The following WWOX variants were observed in gnomAD, a reference collection of about 807,000 sequenced individuals.
WWOX encodes the protein WW domain-containing oxidoreductase.
Under a neutral mutation model 46.2 loss-of-function variants are expected in WWOX, and 69 were observed. That is an observed-to-expected ratio of 1.49 (90% confidence interval 1.23 to 1.82). The LOEUF (loss-of-function observed/expected upper bound fraction) is 1.82. Ranked by LOEUF, WWOX falls within the 40% of genes most tolerant of loss-of-function variation. The pLI is 0.00. For missense variants in WWOX, 919 were observed against 542.6 expected (o/e 1.69, Z -6.89); for synonymous variants, 359 against 202.6 (o/e 1.77, Z -6.56).
chr16:78,543,208 C>T (rs1300376700), intron 8 of WWOX, among the ~76,000 whole-genome samples: 1 of 152,172 alleles, frequency 6.6e-6, no homozygotes. Flanking sequence ...TTCTTGATCT[C>T]CAGTTAGGGC....
chr16:78,632,950 A>T (rs956044820), intron 8 of WWOX, among the ~76,000 whole-genome samples: 1 of 152,030 alleles, frequency 6.6e-6, no homozygotes, highest in Non-Finnish European at 1.5e-5. Flanking sequence ...AACATTTATT[A>T]TCCCCATTTT....
chr16:78,373,390 T>G (rs980471276), intron 5 of WWOX, among the ~76,000 whole-genome samples: 3 of 152,228 alleles, frequency 2.0e-5, no homozygotes, highest in Non-Finnish European at 4.4e-5. Flanking sequence ...ACTTAACGTT[T>G]ATCTCATGGA....
intron 6 of WWOX, among the ~76,000 whole-genome samples, chr16:78,419,310 G>T (rs897017947): frequency 1.3e-5 from 2 of 152,060 alleles, no homozygotes; most frequent in Admixed American, 1.3e-4. Context: ...GTATATGAAT[G>T]CAAAGGAACC....
At chr16:79,191,948 A>C (rs750578075) in intron 8 of WWOX, among the ~76,000 whole-genome samples, 1 of 152,372 alleles carries the variant, frequency 6.6e-6, no homozygotes, top group Middle Eastern at 3.4e-3. Context: ...GGCTCACCAC[A>C]CATCAGGTGA....
At chr16:78,794,349 T>G (rs2050683967) in intron 8 of WWOX, among the ~76,000 whole-genome samples, 1 of 152,168 alleles carries the variant, frequency 6.6e-6, no homozygotes, top group Non-Finnish European at 1.5e-5. Flanking sequence ...TCTCTCGGTC[T>G]GTTCTGGCTC....
intron 6 of WWOX, among the ~76,000 whole-genome samples, chr16:78,423,649 C>A (rs528667079): frequency 1.3e-5 from 2 of 151,934 alleles, no homozygotes; most frequent in African/African-American, 2.4e-5. Context: ...CCACCTTGGG[C>A]AACATAGGGG....
intron 8 of WWOX, among the ~76,000 whole-genome samples, chr16:79,075,128 C>T (rs2048630689): frequency 6.6e-6 from 1 of 152,142 alleles, no homozygotes; most frequent in Admixed American, 6.5e-5. Context: ...ATTCCTGAGT[C>T]ACTTGGAAGA....
At chr16:78,936,776 C>A (rs1190453333) in intron 8 of WWOX, among the ~76,000 whole-genome samples, 4 of 152,038 alleles carry the variant, frequency 2.6e-5, no homozygotes, top group Non-Finnish European at 5.9e-5. Context: ...AAAAAAAAGT[C>A]AGTGCTACCG....
intron 8 of WWOX, among the ~76,000 whole-genome samples, chr16:78,709,431 C>A (rs141759864): frequency 5.1e-4 from 77 of 152,216 alleles, no homozygotes; most frequent in African/African-American, 1.9e-3. Flanking sequence ...TGCAAGTAAT[C>A]GGGCTCTGTC....
intron 8 of WWOX, among the ~76,000 whole-genome samples, chr16:79,178,625 G>A (rs893737331): frequency 7.9e-5 from 12 of 152,062 alleles, no homozygotes; most frequent in African/African-American, 2.7e-4. Flanking sequence ...CCTGATTCCT[G>A]TTTTACATAT....
intron 8 of WWOX, among the ~76,000 whole-genome samples, chr16:78,436,065 T>C (rs1392650713): frequency 6.6e-6 from 1 of 152,180 alleles, no homozygotes; most frequent in Non-Finnish European, 1.5e-5. Context: ...GCTGCCATAC[T>C]GGAGAGCGTG....
chr16:78,905,422 C>G (rs1472034743), intron 8 of WWOX, among the ~76,000 whole-genome samples: 4 of 152,190 alleles, frequency 2.6e-5, no homozygotes, highest in African/African-American at 9.7e-5. Flanking sequence ...ACTCTGTCAG[C>G]CAGGCTGGAG....
At chr16:78,411,508 A>T (rs1202411236) in intron 6 of WWOX, among the ~76,000 whole-genome samples, 2 of 152,198 alleles carry the variant, frequency 1.3e-5, no homozygotes, top group African/African-American at 4.8e-5. Flanking sequence ...GGGGCAGTGG[A>T]TGATTCACCT....
rs1428409338 is a variant in WWOX at position 79,212,094 on chromosome 16, A to G, written c.*298A>G. On this transcript the variant is annotated 3_prime_UTR_variant, in exon 9 of 9. Transcript: ENST00000566780. ...AGGTTCCGTATCTCCCTGGAGAAGC[A>G]CCAGCAATTCTCTTTCTTTTACTGT... The G allele has an allele frequency of 5.2e-6, 8 of 1,536,002 alleles. No homozygotes were observed. Among genetic ancestry groups the G allele is most frequent in the African/African-American group, 1.4e-5 (1 of 72,924 alleles).
At chr16:78,946,260 G>A (rs769808568) in intron 8 of WWOX, among the ~76,000 whole-genome samples, 5 of 152,048 alleles carry the variant, frequency 3.3e-5, no homozygotes, top group Admixed American at 6.5e-5. Flanking sequence ...GTGCAATCTC[G>A]GCTCACTGCA....
At position 78,433,327 on chromosome 16, in the gene WWOX, G is replaced by A. The variant is rs150884277; in HGVS notation, c.1056+575G>A. Reference sequence around the variant, plus strand: ...GAATCATGGTACTGTGGTTACATTTGGAAGTGTTTACAAAGGTGATAAGAT... The same window carrying A: ...GAATCATGGTACTGTGGTTACATTTAGAAGTGTTTACAAAGGTGATAAGAT... On this transcript the variant is annotated intron_variant, in intron 8 of 8. Coordinates refer to ENST00000566780, the MANE Select transcript of WWOX (RefSeq NM_016373.4). Among the ~76,000 whole-genome samples, 82 of 152,234 alleles carry A rather than the reference G, an allele frequency of 5.4e-4. No individual in the cohort carries two copies. In the East Asian group the frequency reaches 0.012, roughly 22 times the overall value.
chr16:78,134,709 A>G (rs548918981), intron 4 of WWOX, among the ~76,000 whole-genome samples: 12 of 152,204 alleles, frequency 7.9e-5, no homozygotes, highest in African/African-American at 2.9e-4. Flanking sequence ...ATTTGGCCAA[A>G]CTTGGGATCA....
At chr16:78,319,730 TA>T (rs2080426853) in intron 5 of WWOX, among the ~76,000 whole-genome samples, 1 of 152,210 alleles carries the variant, frequency 6.6e-6, no homozygotes, top group Non-Finnish European at 1.5e-5. Flanking sequence ...CCGCCACTAC[TA>T]AAATACAGGA....
At chr16:78,789,571 T>G (rs2050543232) in intron 8 of WWOX, among the ~76,000 whole-genome samples, 1 of 152,210 alleles carries the variant, frequency 6.6e-6, no homozygotes, top group Non-Finnish European at 1.5e-5. Context: ...GTTTTGAAAT[T>G]TGGAATTGTG....
Sources: gnomAD v4.1 joint callset for allele counts (sites outside exome capture counted in the v4.1 genomes callset) on GRCh38, gnomAD v4.1.1 for gene constraint, MANE v1.5 for transcripts, NCBI Gene and HGNC (gene_info 2026-07-23, HGNC 2026-07-21) for gene names.